The following THSD7B variants were observed in gnomAD, a reference collection of about 807,000 sequenced individuals.
The protein encoded by THSD7B is thrombospondin type-1 domain-containing protein 7B.
A neutral mutation model predicts 213.6 loss-of-function variants in THSD7B; 138 were observed. The observed-to-expected ratio is 0.65, with a 90% CI of 0.56 to 0.74. THSD7B has a LOEUF of 0.74. THSD7B is among the 30% of genes least tolerant of loss of function. The pLI, the probability that THSD7B is intolerant of heterozygous loss-of-function variation, is 0.00. For missense variants in THSD7B, 1,931 were observed against 1,991.5 expected (o/e 0.97, Z 0.58); for synonymous variants, 742 against 687.0 (o/e 1.08, Z -1.25).
rs558683706 is a variant in THSD7B, at chr2:137,659,684, C to T, written c.4396C>T (p.Arg1466Cys). ...NVTGGCSPQA[R>C]PAAIRQCIPA... ...TGCAGGAGGCTGCTCCCCTCAGGCC[C>T]GTCCTGCTGCCATTCGGCAGTGCAT... is the stretch of plus-strand genomic sequence containing the variant. The change falls in exon 25 of 28, where the codon CGT (arginine) becomes TGT (cysteine). Residue 1466 changes from arginine (R) to cysteine (C), a missense_variant. Transcript: ENST00000409968. 8.1e-6 allele frequency: 13 copies of T among 1,602,846 alleles called. No homozygotes were observed. The highest frequency in any genetic ancestry group is 2.3e-5 in the South Asian group (2 of 88,806).
chr2:137,196,184 C>CCT (rs1301411898), intron 7 of THSD7B, among the ~76,000 whole-genome samples: 3 of 152,254 alleles, frequency 2.0e-5, no homozygotes, highest in African/African-American at 7.2e-5. Flanking sequence ...AACCCAAAAA[C>CCT]CATTGTTAAT....
intron 2 of THSD7B, among the ~76,000 whole-genome samples, chr2:137,010,272 G>A (rs888158083): frequency 6.6e-6 from 1 of 152,190 alleles, no homozygotes; most frequent in Admixed American, 6.5e-5. Flanking sequence ...TGCTACTTCA[G>A]TTATGTGTGT....
intron 2 of THSD7B, among the ~76,000 whole-genome samples, chr2:136,972,794 A>T: frequency 6.6e-6 from 1 of 152,138 alleles, no homozygotes; most frequent in East Asian, 1.9e-4. Context: ...GATGTTGTAA[A>T]ATCTCAGTGC....
intron 2 of THSD7B, among the ~76,000 whole-genome samples, chr2:136,899,485 C>T (rs770880121): frequency 7.9e-5 from 12 of 152,166 alleles, no homozygotes; most frequent in Non-Finnish European, 1.6e-4. Context: ...TTTCAGTAAA[C>T]GCACAAATCG....
chr2:137,196,025 A>G lies in THSD7B; in HGVS notation c.1723+25087A>G, dbSNP rs535075247. On this transcript the variant is annotated intron_variant, in intron 7 of 27. Transcript: ENST00000409968. The stretch of plus-strand genomic sequence containing the variant: ...AATTTCAAAATTTTTGAGCACTGAC[A>G]TGATCATAGAGATGACATCGTTGGC... 8.4e-4 allele frequency among the ~76,000 whole-genome samples: 128 copies of G among 152,352 alleles called. No individual in the cohort carries two copies. In the South Asian group the frequency reaches 0.017, roughly 20 times the overall value.
intron 1 of THSD7B, among the ~76,000 whole-genome samples, chr2:136,772,553 A>G (rs1269605790): frequency 6.6e-6 from 1 of 152,178 alleles, no homozygotes; most frequent in East Asian, 1.9e-4. Flanking sequence ...TCATTAGAAC[A>G]GAACTGTCCT....
At chr2:137,629,625 A>G (rs577425417) in intron 20 of THSD7B, among the ~76,000 whole-genome samples, 2 of 152,288 alleles carry the variant, frequency 1.3e-5, no homozygotes, top group South Asian at 4.1e-4. Flanking sequence ...CAAAAACAAA[A>G]CACAGATTTC....
intron 2 of THSD7B, among the ~76,000 whole-genome samples, chr2:136,964,650 C>T (rs927776882): frequency 1.3e-5 from 2 of 152,058 alleles, no homozygotes; most frequent in Non-Finnish European, 2.9e-5. Flanking sequence ...CATCTCAAAA[C>T]AAAACAATAA....
intron 17 of THSD7B, among the ~76,000 whole-genome samples, chr2:137,596,492 A>C (rs1573733336): frequency 6.6e-6 from 1 of 152,036 alleles, no homozygotes; most frequent in South Asian, 2.1e-4. Context: ...GGTTAAGCAT[A>C]CTCTGATCAA....
At chr2:137,378,392 G>GTATATT (rs1412663380) in intron 12 of THSD7B, among the ~76,000 whole-genome samples, 1 of 152,292 alleles carries the variant, frequency 6.6e-6, no homozygotes, top group Admixed American at 6.5e-5. Flanking sequence ...TACTCAGAGT[G>GTATATT]TATATTTATT....
chr2:136,877,925 G>C (rs1628523), intron 1 of THSD7B, among the ~76,000 whole-genome samples: 1 of 151,546 alleles, frequency 6.6e-6, no homozygotes, highest in African/African-American at 2.4e-5. Flanking sequence ...TTCTTTTCTT[G>C]TTTTTTTAAT....
intron 21 of THSD7B, among the ~76,000 whole-genome samples, chr2:137,642,994 ATTGT>A (rs1156445413): frequency 6.6e-6 from 1 of 152,214 alleles, no homozygotes; most frequent in Non-Finnish European, 1.5e-5. Context: ...CTTGCTTTAG[ATTGT>A]TTAAGAAATT....
At chr2:137,509,672 T>G (rs1027580486) in intron 15 of THSD7B, among the ~76,000 whole-genome samples, 2 of 152,212 alleles carry the variant, frequency 1.3e-5, no homozygotes, top group Non-Finnish European at 2.9e-5. Context: ...CAGGCTGTTT[T>G]ATTCCCATCT....
chr2:137,558,476 C>G (rs1337768173), intron 15 of THSD7B, among the ~76,000 whole-genome samples: 2 of 152,136 alleles, frequency 1.3e-5, no homozygotes, highest in East Asian at 1.9e-4. Flanking sequence ...GTGATTATCT[C>G]AATAGATGCA....
chr2:136,938,087 C>T (rs1412794443), intron 2 of THSD7B, among the ~76,000 whole-genome samples: 7 of 152,118 alleles, frequency 4.6e-5, no homozygotes, highest in African/African-American at 1.7e-4. Context: ...AGAAGTCCAA[C>T]TCACTTGACT....
intron 21 of THSD7B, among the ~76,000 whole-genome samples, chr2:137,643,166 C>T (rs976069442): frequency 6.6e-6 from 1 of 152,152 alleles, no homozygotes; most frequent in Non-Finnish European, 1.5e-5. Context: ...AGATAAATGC[C>T]TAACAACATC....
chr2:137,551,767 G>T (rs1008861102), intron 15 of THSD7B, among the ~76,000 whole-genome samples: 1 of 152,086 alleles, frequency 6.6e-6, no homozygotes, highest in Non-Finnish European at 1.5e-5. Flanking sequence ...GGGAAGCTCA[G>T]AGTATTCTGA....
Position 137,514,707 on chromosome 2 carries a change from T to C in THSD7B, c.3139-48514T>C, listed in dbSNP as rs184822949. On this transcript the variant is annotated intron_variant, in intron 15 of 27. Coordinates refer to ENST00000409968, the MANE Select transcript of THSD7B (RefSeq NM_001316349.2). ...ATGAACCCAAAAATGTTAAGGACTC[T>C]ACTTCTAATAGTATGGAGAACACTA... Among the ~76,000 whole-genome samples, 8 of 152,332 alleles carry C rather than the reference T, an allele frequency of 5.3e-5. No individual in the cohort carries two copies. The East Asian group carries it at 1.4e-3, about 26-fold the overall frequency.
chr2:137,461,395 G>A (rs1407819651), intron 15 of THSD7B, among the ~76,000 whole-genome samples: 1 of 151,958 alleles, frequency 6.6e-6, no homozygotes, highest in African/African-American at 2.4e-5. Context: ...AAAAATAAAA[G>A]CCATGGGTGC....
Sources: gnomAD v4.1 joint callset for allele counts (sites outside exome capture counted in the v4.1 genomes callset) on GRCh38, gnomAD v4.1.1 for gene constraint, MANE v1.5 for transcripts, NCBI Gene and HGNC (gene_info 2026-07-23, HGNC 2026-07-21) for gene names.